The following CUX2 variants were observed in gnomAD, a reference collection of about 807,000 sequenced individuals.
CUX2 encodes the protein cut like homeobox 2.
CUX2 carries 40 observed loss-of-function variants against 144.8 expected under a neutral mutation model. That is an observed-to-expected ratio of 0.28 (90% CI 0.21 to 0.36). The LOEUF (loss-of-function observed/expected upper bound fraction) is 0.36, where lower values mean the gene tolerates loss of function less well. CUX2 is among the 10% of genes least tolerant of loss of function. The pLI is 1.00. For missense variants in CUX2, 1,615 were observed against 1,994.0 expected (o/e 0.81, Z 3.62); for synonymous variants, 827 against 875.6 (o/e 0.94, Z 0.98).
intron 1 of CUX2, among the ~76,000 whole-genome samples, chr12:111,085,452 G>GT (rs879523602): frequency 5.4e-4 from 82 of 152,356 alleles, no homozygotes; most frequent in Non-Finnish European, 8.8e-5. Context: ...TGTTCAGAAG[G>GT]GTTGAGGAAC....
At position 111,347,880 on chromosome 12, in the gene CUX2, A is replaced by T. The variant is rs1211394480; in HGVS notation, c.4016A>T (p.Asp1339Val). 1.2e-6 allele frequency: 2 copies of T among 1,613,964 alleles called. No homozygotes were observed. Among genetic ancestry groups the T allele is most frequent in the Non-Finnish European group, 1.7e-6 (2 of 1,180,016 alleles). ...GAGCATCCCGACCCTCCGGGTAATGATGGACTCCCAAAAGTGGCTCCCGGG... is the reference window on the plus strand; with the variant it reads ...GAGCATCCCGACCCTCCGGGTAATGTTGGACTCCCAAAAGTGGCTCCCGGG... The part of the protein sequence containing the change: ...KEEHPDPPGN[D>V]GLPKVAPGPL... Residue 1339 changes from aspartate to valine, a missense_variant, in exon 22 of 22, where the codon GAT becomes GTT. Asp to Val is a radical substitution (Grantham distance 152). Around this residue, in one of 12 missense-constraint regions of CUX2, gnomAD observed 298 missense variants for 330.4 expected, o/e 0.90. Coordinates refer to ENST00000261726, the MANE Select transcript of CUX2 (RefSeq NM_015267.4).
intron 21 of CUX2, among the ~76,000 whole-genome samples, chr12:111,343,908 A>G (rs1156726455): frequency 6.6e-6 from 1 of 152,128 alleles, no homozygotes; most frequent in Non-Finnish European, 1.5e-5. Flanking sequence ...TAAAAATACA[A>G]AAGTTAGCCA....
chr12:111,244,058 T>C (rs924312418), intron 3 of CUX2, among the ~76,000 whole-genome samples: 9 of 152,136 alleles, frequency 5.9e-5, no homozygotes, highest in Non-Finnish European at 1.3e-4. Flanking sequence ...CAGAACTGGT[T>C]GGTTTTGACT....
chr12:111,321,338 G>A (rs542886277), intron 17 of CUX2, among the ~76,000 whole-genome samples: 3 of 151,406 alleles, frequency 2.0e-5, no homozygotes, highest in African/African-American at 7.3e-5. Flanking sequence ...TTGGTGTCCT[G>A]TGCCGGTATA....
chr12:111,202,228 C>A (rs1880639202), intron 1 of CUX2, among the ~76,000 whole-genome samples: 1 of 152,210 alleles, frequency 6.6e-6, no homozygotes, highest in Non-Finnish European at 1.5e-5. Context: ...GACGTGTCAG[C>A]CCTAAGAGGG....
At chr12:111,205,831 C>T (rs576726948) in intron 1 of CUX2, among the ~76,000 whole-genome samples, 7 of 152,268 alleles carry the variant, frequency 4.6e-5, no homozygotes, top group African/African-American at 1.2e-4. Flanking sequence ...CCAGACAGAC[C>T]GGGCTCTTTA....
At chr12:111,147,694 C>A (rs1362026497) in intron 1 of CUX2, among the ~76,000 whole-genome samples, 2 of 152,142 alleles carry the variant, frequency 1.3e-5, no homozygotes, top group African/African-American at 4.8e-5. Flanking sequence ...GAGCTGGGCA[C>A]CTGCAAGGCT....
chr12:111,178,580 G>A lies in CUX2; in HGVS notation c.64-35620G>A, dbSNP rs1026018779. ...GCTGGGATGGAAAGGGAATGGTCAC[G>A]GGTGGGACACTGGGAGGGAGGGCAG... On this transcript the variant is annotated intron_variant, in intron 1 of 21. Transcript: ENST00000261726. The surrounding 1 kb of genome is among the most constrained non-coding windows in gnomAD (Gnocchi z 5.7). Among the ~76,000 whole-genome samples the A allele has an allele frequency of 6.6e-6, 1 of 152,190 alleles. No individual in the cohort carries two copies. The highest frequency in any genetic ancestry group is 6.5e-5 in the Admixed American group (1 of 15,276).
At chr12:111,169,382 T>C (rs1053134174) in intron 1 of CUX2, among the ~76,000 whole-genome samples, 1 of 152,194 alleles carries the variant, frequency 6.6e-6, no homozygotes, top group African/African-American at 2.4e-5. Flanking sequence ...ACATTCCTGT[T>C]GTTTTAAACT....
At chr12:111,153,518 C>T (rs867652282) in intron 1 of CUX2, among the ~76,000 whole-genome samples, 4 of 152,242 alleles carry the variant, frequency 2.6e-5, no homozygotes, top group Middle Eastern at 3.4e-3. Flanking sequence ...GCACTTGTAA[C>T]TTGTGGTAAG....
Position 111,068,469 on chromosome 12 carries a change from T to G in CUX2, c.63+34229T>G, listed in dbSNP as rs1386843378. Among the ~76,000 whole-genome samples the G allele has an allele frequency of 1.3e-5, 2 of 152,236 alleles. No homozygotes were observed. The highest frequency in any genetic ancestry group is 2.9e-5 in the Non-Finnish European group (2 of 68,042). On this transcript the variant is annotated intron_variant, in intron 1 of 21. Coordinates refer to ENST00000261726, the MANE Select transcript of CUX2 (RefSeq NM_015267.4). This position sits in a 1 kb window ranked among gnomAD's most constrained non-coding sequence, Gnocchi z 4.9. Reference sequence around the variant, plus strand: ...TGTCAGGCGTCACCCGGGGTGACTGTGGAGACGCCTGCAACAGTGAGCTTT... The same window carrying G: ...TGTCAGGCGTCACCCGGGGTGACTGGGGAGACGCCTGCAACAGTGAGCTTT...
chr12:111,132,208 C>T lies in CUX2; in HGVS notation c.64-81992C>T, dbSNP rs189367430. ...GCTGCCAAAGCTTGGGGCTTCTGCC[C>T]TCTGAAGCCATGGCCCGAGCTGTAC... On this transcript the variant is annotated intron_variant, in intron 1 of 21. Transcript: ENST00000261726. 3.3e-4 allele frequency among the ~76,000 whole-genome samples: 50 copies of T among 152,338 alleles called. No homozygotes were observed. In the East Asian group the frequency reaches 6.7e-3, roughly 21 times the overall value.
rs1318156853 is a variant in CUX2, at chr12:111,171,522, C to T, written c.64-42678C>T. ...GTTTCCATGGCTTGTGGGGAAACCC[C>T]GGTCCCGTGTCCCTGTGCACGCAGA... On this transcript the variant is annotated intron_variant, in intron 1 of 21. Coordinates refer to ENST00000261726, the MANE Select transcript of CUX2 (RefSeq NM_015267.4). This position sits in a 1 kb window ranked among gnomAD's most constrained non-coding sequence, Gnocchi z 5.0. 1.3e-5 allele frequency among the ~76,000 whole-genome samples: 2 copies of T among 152,136 alleles called. No homozygotes were observed. The highest frequency in any genetic ancestry group is 2.9e-5 in the Non-Finnish European group (2 of 68,034).
chr12:111,245,756 G>A, intron 3 of CUX2, among the ~76,000 whole-genome samples: 1 of 152,032 alleles, frequency 6.6e-6, no homozygotes, highest in Non-Finnish European at 1.5e-5. Context: ...AAAGGAGCTG[G>A]GTATGCCCCA....
At chr12:111,341,680 T>TGGGCCTGACAGATGCACTCCCACC (rs1888583634) in intron 20 of CUX2, 100 bp from the exon 21 acceptor site, 1 of 1,379,746 alleles carries the variant, frequency 7.2e-7, no homozygotes, top group Non-Finnish European at 9.8e-7. Flanking sequence ...GGCCTCCGAG[T>TGGGCCTGACAGATGCACTCCCACC]GGGCCTGACA....
At chr12:111,094,045 A>G (rs780273625) in intron 1 of CUX2, among the ~76,000 whole-genome samples, 7 of 152,252 alleles carry the variant, frequency 4.6e-5, no homozygotes, top group African/African-American at 1.4e-4. Context: ...TTAAATAAGT[A>G]TCTAATAGTG....
At chr12:111,233,711 T>C (rs144044637) in intron 3 of CUX2, among the ~76,000 whole-genome samples, 1 of 152,328 alleles carries the variant, frequency 6.6e-6, no homozygotes, top group African/African-American at 2.4e-5. Flanking sequence ...GAGAACATTG[T>C]GTTTCTTTTA....
chr12:111,093,394 C>G (rs1872645194), intron 1 of CUX2, among the ~76,000 whole-genome samples: 1 of 152,090 alleles, frequency 6.6e-6, no homozygotes, highest in South Asian at 2.1e-4. Flanking sequence ...GAGATTTTTA[C>G]ACAGACGAGA....
chr12:111,340,197 T>TAA (rs560397298), intron 20 of CUX2, among the ~76,000 whole-genome samples: 2 of 151,212 alleles, frequency 1.3e-5, no homozygotes, highest in Non-Finnish European at 3.0e-5. Flanking sequence ...AGACTCCATC[T>TAA]AAAAAAAAAT....
Sources: allele counts gnomAD v4.1 joint callset (sites outside exome capture counted in the v4.1 genomes callset), GRCh38; gene constraint gnomAD v4.1.1; regional missense constraint gnomAD v4.1.1; non-coding constraint Gnocchi (gnomAD v3.1); transcripts MANE v1.5; gene names NCBI Gene and HGNC (gene_info 2026-07-23, HGNC 2026-07-21).